KAZN: variants seen among roughly 807,000 people sequenced by gnomAD.
KAZN encodes the protein kazrin, periplakin interacting protein, also known as kazrin.
A neutral mutation model predicts 87.4 loss-of-function variants in KAZN; 40 were observed. That is an observed-to-expected ratio of 0.46 (90% CI 0.36 to 0.60). The LOEUF (loss-of-function observed/expected upper bound fraction) is 0.60. KAZN is among the 20% of genes least tolerant of loss of function. KAZN has a pLI of 0.00. For synonymous variants in KAZN, 466 were observed against 458.3 expected, an observed-to-expected ratio of 1.02 and a Z score of -0.22; for missense variants, 898 against 1,073.9, an observed-to-expected ratio of 0.84 and a Z score of 2.29.
rs556890983 is a variant in KAZN at position 14,362,022 on chromosome 1, A to G, written c.249+181430A>G. ...GTCCTGTAGCCAGGGGGTCAATGGC[A>G]CATTTCAGAAACTGCCCAAAAGCCA... On this transcript the variant is annotated intron_variant, in intron 2 of 16. Coordinates refer to the KAZN transcript ENST00000636203. 2.6e-5 allele frequency among the ~76,000 whole-genome samples: 4 copies of G among 152,364 alleles called. No individual in the cohort carries two copies. The South Asian group carries it at 8.3e-4, about 32-fold the overall frequency.
intron 1 of KAZN, among the ~76,000 whole-genome samples, chr1:14,841,116 T>C (rs1039189336): frequency 6.6e-6 from 1 of 152,056 alleles, no homozygotes; most frequent in Non-Finnish European, 1.5e-5. Flanking sequence ...GGCAATTCTG[T>C]TAGAAATGGA....
rs570321597 is a variant in KAZN, at chr1:14,045,800, A to G, written c.92-134635A>G. Among the ~76,000 whole-genome samples, 9 of 152,342 alleles carry G rather than the reference A, an allele frequency of 5.9e-5. No individual in the cohort carries two copies. The East Asian group carries it at 1.5e-3, about 26-fold the overall frequency. On this transcript the variant is annotated intron_variant, in intron 1 of 16. Coordinates refer to the KAZN transcript ENST00000636203. ...GACAGGTGAACTATGATAATTGTGT[A>G]AAGGACTTAACATAGTACCTATAAA...
chr1:14,178,573 G>A (rs1440947208), intron 1 of KAZN, among the ~76,000 whole-genome samples: 2 of 152,070 alleles, frequency 1.3e-5, no homozygotes, highest in African/African-American at 4.8e-5. Context: ...TTATATTCAT[G>A]TTTGTTTTAC....
intron 2 of KAZN, among the ~76,000 whole-genome samples, chr1:14,559,935 T>C (rs1674153813): frequency 6.6e-6 from 1 of 152,194 alleles, no homozygotes; most frequent in Non-Finnish European, 1.5e-5. Flanking sequence ...CAGGGCCACA[T>C]TTTAATTGCT....
chr1:14,234,644 G>GGGTGGTGGA (rs1170685080), intron 2 of KAZN, among the ~76,000 whole-genome samples: 1 of 152,130 alleles, frequency 6.6e-6, no homozygotes, highest in African/African-American at 2.4e-5. Flanking sequence ...CAAGGTGTGG[G>GGGTGGTGGA]GGTGGTGGAG....
intron 1 of KAZN, among the ~76,000 whole-genome samples, chr1:14,642,117 A>T (rs778126579): frequency 7.9e-5 from 12 of 152,204 alleles, no homozygotes; most frequent in African/African-American, 2.7e-4. Flanking sequence ...AACCACAGTG[A>T]GGCCAGGCAT....
chr1:14,697,153 A>AG (rs1335667595), intron 1 of KAZN, among the ~76,000 whole-genome samples: 1 of 130,412 alleles, frequency 7.7e-6, no homozygotes, highest in Non-Finnish European at 1.7e-5. Context: ...AAAAAAAAAA[A>AG]AAAAGAAAAG....
rs376539124 is a variant in KAZN at position 13,974,841 on chromosome 1, C to G, written c.91+81085C>G. Among the ~76,000 whole-genome samples, 101 of 152,296 alleles carry G rather than the reference C, an allele frequency of 6.6e-4. 4 individuals are homozygous for G. In the South Asian group the frequency reaches 0.019, roughly 29 times the overall value. On this transcript the variant is annotated intron_variant, in intron 1 of 16. Transcript: ENST00000636203. ...CAGCCCCAGAAAACCACTACACCAGCCAAGGGCCAACCTTGTAAACCTTAG... is the reference window on the plus strand; with the variant it reads ...CAGCCCCAGAAAACCACTACACCAGGCAAGGGCCAACCTTGTAAACCTTAG...
chr1:14,374,526 GC>G (rs1660749595), intron 2 of KAZN, among the ~76,000 whole-genome samples: 1 of 152,138 alleles, frequency 6.6e-6, no homozygotes, highest in Non-Finnish European at 1.5e-5. Flanking sequence ...TATCCATTAT[GC>G]TAAATAACGA....
At chr1:14,513,215 T>C (rs1022441080) in intron 2 of KAZN, among the ~76,000 whole-genome samples, 1 of 152,192 alleles carries the variant, frequency 6.6e-6, no homozygotes, top group Non-Finnish European at 1.5e-5. Flanking sequence ...CGGCTTCTCC[T>C]TCAGGCGTGG....
intron 2 of KAZN, among the ~76,000 whole-genome samples, chr1:15,011,620 G>A (rs1197396434): frequency 1.3e-5 from 2 of 152,146 alleles, no homozygotes; most frequent in Non-Finnish European, 2.9e-5. Flanking sequence ...AAGTGTTTTT[G>A]TTTCTGTGCT....
At chr1:14,758,192 C>T (rs1408211981) in intron 1 of KAZN, among the ~76,000 whole-genome samples, 2 of 151,814 alleles carry the variant, frequency 1.3e-5, no homozygotes, top group Non-Finnish European at 2.9e-5. Flanking sequence ...CCTTGACAGG[C>T]TCTTGCTTTG....
At chr1:14,673,805 C>T (rs1244335861) in intron 1 of KAZN, among the ~76,000 whole-genome samples, 1 of 152,162 alleles carries the variant, frequency 6.6e-6, no homozygotes, top group Non-Finnish European at 1.5e-5. Context: ...TTTCTCTTCC[C>T]AGGCTAAGGA....
rs1657454018 is a variant in KAZN, at chr1:14,913,381, A to G, written c.227-47303A>G. ...TTTTGCTTGTTTGTTTTAATGAGAA[A>G]CTTCAGGGGGAAGATGCCAGTCCTT... On this transcript the variant is annotated intron_variant, in intron 1 of 14. Transcript: ENST00000376030. Among the ~76,000 whole-genome samples, 7 of 152,244 alleles carry G rather than the reference A, an allele frequency of 4.6e-5. No homozygotes were observed. The South Asian group carries it at 1.4e-3, about 31-fold the overall frequency.
chr1:14,838,132 C>T (rs1439884727), intron 1 of KAZN, among the ~76,000 whole-genome samples: 1 of 152,132 alleles, frequency 6.6e-6, no homozygotes, highest in East Asian at 1.9e-4. Context: ...GGGGCTGTAC[C>T]CTCCGGAGGG....
intron 2 of KAZN, among the ~76,000 whole-genome samples, chr1:14,344,163 C>CTTTTTTT (rs55837460): frequency 2.0e-4 from 24 of 122,636 alleles, no homozygotes; most frequent in African/African-American, 5.8e-4. Context: ...TTCATGTATT[C>CTTTTTTT]TTTTTTTTTT....
At chr1:14,944,852 C>T (rs1399877270) in intron 1 of KAZN, among the ~76,000 whole-genome samples, 1 of 152,222 alleles carries the variant, frequency 6.6e-6, no homozygotes, top group African/African-American at 2.4e-5. Context: ...AGGCCTTCTG[C>T]GGATGGCGGC....
chr1:14,925,233 T>TC (rs1659042984), intron 1 of KAZN, among the ~76,000 whole-genome samples: 1 of 151,908 alleles, frequency 6.6e-6, no homozygotes, highest in African/African-American at 2.4e-5. Context: ...CTATCTCCCT[T>TC]CCCCCTGCCC....
At chr1:14,325,609 A>G (rs1656355772) in intron 2 of KAZN, among the ~76,000 whole-genome samples, 1 of 152,248 alleles carries the variant, frequency 6.6e-6, no homozygotes, top group African/African-American at 2.4e-5. Flanking sequence ...GGTAAAATAT[A>G]CAAATCTACA....
Sources: allele counts gnomAD v4.1 joint callset (sites outside exome capture counted in the v4.1 genomes callset), GRCh38; gene constraint gnomAD v4.1.1; transcripts MANE v1.5; gene names NCBI Gene and HGNC (gene_info 2026-07-23, HGNC 2026-07-21).